The following ACACA variants were observed in gnomAD, a reference collection of about 807,000 sequenced individuals.
ACACA encodes acetyl-CoA carboxylase 1.
In ACACA, 103 loss-of-function variants were observed where a neutral mutation model predicts 296.1. The ratio of observed to expected loss-of-function variants is 0.35; its 90% CI spans 0.30 to 0.41. ACACA has a LOEUF of 0.41. Ranked by LOEUF, ACACA falls within the 10% of genes least tolerant of loss-of-function variation. The probability of loss-of-function intolerance (pLI) is 1.00; values close to 1 mark genes in which losing one functional copy is unlikely to be tolerated. For synonymous variants in ACACA, 953 were observed against 1,038.6 expected, an observed-to-expected ratio of 0.92 and a Z score of 1.58; for missense variants, 1,554 against 2,989.7, an observed-to-expected ratio of 0.52 and a Z score of 11.20.
At chr17:37,141,032 C>T in intron 45 of ACACA, 1 of 412,452 alleles carries the variant, frequency 2.4e-6, no homozygotes, top group South Asian at 2.0e-5. Context: ...CCATGGATGG[C>T]AGTGGCCACC....
chr17:37,227,011 G>C (rs2079571524), intron 25 of ACACA, among the ~76,000 whole-genome samples: 2 of 152,024 alleles, frequency 1.3e-5, no homozygotes, highest in Admixed American at 6.6e-5. Flanking sequence ...TGGCAATTCT[G>C]CATCCCAAAT....
At chr17:37,160,501 G>A (rs554354238) in intron 42 of ACACA, among the ~76,000 whole-genome samples, 1 of 152,284 alleles carries the variant, frequency 6.6e-6, no homozygotes, top group Non-Finnish European at 1.5e-5. Flanking sequence ...CGTGTTACAG[G>A]TTTGAGGGGA....
intron 42 of ACACA, among the ~76,000 whole-genome samples, chr17:37,156,107 A>G (rs898392476): frequency 4.5e-4 from 55 of 120,928 alleles, no homozygotes; most frequent in African/African-American, 1.8e-3. Flanking sequence ...TCTGTTGCCC[A>G]GGCTGGAGTG....
chr17:37,119,170 A>G (rs1210610527), intron 50 of ACACA, among the ~76,000 whole-genome samples: 1 of 152,208 alleles, frequency 6.6e-6, no homozygotes, highest in Non-Finnish European at 1.5e-5. Flanking sequence ...ATATATATGA[A>G]TGAGGGGTTT....
chr17:37,353,399 G>A (rs1245522088), intron 1 of ACACA, among the ~76,000 whole-genome samples: 2 of 152,062 alleles, frequency 1.3e-5, no homozygotes, highest in Admixed American at 6.6e-5. Context: ...CTAGCACTTT[G>A]GGAGGCCAAG....
chr17:37,131,260 A>G (rs2075081898), intron 45 of ACACA, among the ~76,000 whole-genome samples: 1 of 152,166 alleles, frequency 6.6e-6, no homozygotes, highest in Non-Finnish European at 1.5e-5. Flanking sequence ...AAAAAAGAGG[A>G]AGAAAAGATA....
At chr17:37,173,253 T>A (rs1376210106) in intron 41 of ACACA, among the ~76,000 whole-genome samples, 1 of 152,144 alleles carries the variant, frequency 6.6e-6, no homozygotes, top group Non-Finnish European at 1.5e-5. Flanking sequence ...CACTAGAATC[T>A]GAGTCCAGGA....
At chr17:37,112,082 CT>C (rs2074005110) in intron 51 of ACACA, among the ~76,000 whole-genome samples, 10 of 151,216 alleles carry the variant, frequency 6.6e-5, no homozygotes, top group Non-Finnish European at 1.3e-4. Context: ...ATCTATCTAT[CT>C]ACCTCACCTA....
chr17:37,182,592 G>C (rs2077368069), intron 39 of ACACA, among the ~76,000 whole-genome samples: 1 of 152,152 alleles, frequency 6.6e-6, no homozygotes, highest in African/African-American at 2.4e-5. Flanking sequence ...TGAGTGCCCA[G>C]AGGTTGTATA....
rs57085553 is a variant in ACACA, at chr17:37,239,470, C to T, written c.3121+1006G>A. Among the ~76,000 whole-genome samples, 168 of 152,246 alleles carry T rather than the reference C, an allele frequency of 1.1e-3. 1 individual carries two copies. Among genetic ancestry groups the T allele is most frequent in the African/African-American group, 4.0e-3 (165 of 41,538 alleles). ...CTAATCTTAAAGATAATGTTTTCAA[C>T]GTTTTACCATAATGCATGATGTATC... On this transcript the variant is annotated intron_variant, in intron 24 of 55. Transcript: ENST00000616317.
At chr17:37,371,005 G>A (rs1484933164) in intron 1 of ACACA, among the ~76,000 whole-genome samples, 1 of 151,634 alleles carries the variant, frequency 6.6e-6, no homozygotes, top group Non-Finnish European at 1.5e-5. Flanking sequence ...AATACATAGA[G>A]TTTGATTCCA....
intron 50 of ACACA, among the ~76,000 whole-genome samples, chr17:37,117,123 T>C (rs560101672): frequency 5.8e-4 from 88 of 152,326 alleles, no homozygotes; most frequent in Non-Finnish European, 2.9e-5. Context: ...GTGGCAGCCA[T>C]GTGTATCAAA....
At chr17:37,177,045 G>A (rs1457636848) in intron 41 of ACACA, among the ~76,000 whole-genome samples, 1 of 152,110 alleles carries the variant, frequency 6.6e-6, no homozygotes, top group African/African-American at 2.4e-5. Context: ...AGAACAAGAA[G>A]AAAGTGAGAA....
chr17:37,248,291 C>G, intron 17 of ACACA, 135 bp from the exon 18 acceptor site: 2 of 1,155,816 alleles, frequency 1.7e-6, no homozygotes, highest in Admixed American at 3.9e-5. Context: ...CTATTTGCAT[C>G]AGTGTCTGTG....
intron 5 of ACACA, among the ~76,000 whole-genome samples, chr17:37,280,761 A>ACACC (rs768423798): frequency 7.0e-4 from 106 of 150,880 alleles, no homozygotes; most frequent in African/African-American, 2.4e-3. Flanking sequence ...ACACACACAC[A>ACACC]CCCCAAAAAA....
rs948263517 is a variant in ACACA, at chr17:37,086,729, A to G, written c.*587T>C. ...ATCTTTGAGTTCCTATGGAGCTTGT[A>G]GTAGATTTTATGCTCTAATTTTTCT... On this transcript the variant is annotated 3_prime_UTR_variant, in exon 56 of 56. Coordinates refer to ENST00000616317, the MANE Select transcript of ACACA (RefSeq NM_198834.3). The G allele has an allele frequency of 6.4e-6, 1 of 156,794 alleles. No individual in the cohort carries two copies. The highest frequency in any genetic ancestry group is 2.4e-5 in the African/African-American group (1 of 41,496). 9.7% of individuals were successfully genotyped at this position (156,794 alleles called of 1,614,324 possible).
At chr17:37,241,200 A>AAAT (rs1555611622) in intron 23 of ACACA, among the ~76,000 whole-genome samples, 11 of 151,262 alleles carry the variant, frequency 7.3e-5, no homozygotes, top group African/African-American at 2.4e-4. Flanking sequence ...GTCTCCAAAA[A>AAAT]AAATAAATAA....
intron 51 of ACACA, among the ~76,000 whole-genome samples, chr17:37,112,688 G>A (rs948666081): frequency 2.0e-5 from 3 of 152,190 alleles, no homozygotes; most frequent in African/African-American, 4.8e-5. Flanking sequence ...TGAATCTGGG[G>A]GGACAAGAGA....
intron 45 of ACACA, among the ~76,000 whole-genome samples, chr17:37,138,178 G>T (rs771111747): frequency 3.3e-5 from 5 of 152,212 alleles, no homozygotes; most frequent in Non-Finnish European, 7.3e-5. Flanking sequence ...ATTCCTGACT[G>T]TGTACATTAG....
Sources: allele counts gnomAD v4.1 joint callset (sites outside exome capture counted in the v4.1 genomes callset), GRCh38; gene constraint gnomAD v4.1.1; transcripts MANE v1.5; gene names NCBI Gene and HGNC (gene_info 2026-07-23, HGNC 2026-07-21).